The following LRBA variants were observed in gnomAD, a reference collection of about 807,000 sequenced individuals.
LRBA encodes LPS responsive beige-like anchor protein.
A neutral mutation model predicts 330.0 loss-of-function variants in LRBA; 176 were observed. The observed-to-expected ratio is 0.53, with a 90% CI of 0.47 to 0.60. LRBA has a LOEUF of 0.60. Ranked by LOEUF, LRBA falls within the 20% of genes least tolerant of loss-of-function variation. The pLI is 0.00. For missense variants in LRBA, 3,259 were observed against 3,444.8 expected (o/e 0.95, Z 1.35); for synonymous variants, 1,230 against 1,193.0 (o/e 1.03, Z -0.64).
At chr4:150,945,805 C>CTT (rs758057990) in intron 2 of LRBA, among the ~76,000 whole-genome samples, 25 of 143,598 alleles carry the variant, frequency 1.7e-4, no homozygotes, top group Non-Finnish European at 3.4e-4. Flanking sequence ...AGGCATATTT[C>CTT]TTTTTTTTTT....
chr4:150,310,448 G>T, intron 51 of LRBA, 64 bp from the exon 52 acceptor site: 1 of 1,052,470 alleles, frequency 9.5e-7, no homozygotes, highest in South Asian at 1.5e-5. Context: ...CTATAGTGAG[G>T]GAGAAGAGGA....
At chr4:150,361,374 T>C (rs1361253047) in intron 47 of LRBA, among the ~76,000 whole-genome samples, 7 of 152,182 alleles carry the variant, frequency 4.6e-5, no homozygotes, top group Non-Finnish European at 1.0e-4. Context: ...TTATTTATGT[T>C]TCCTTACCTC....
chr4:150,382,256 C>CA (rs897622615), intron 47 of LRBA, among the ~76,000 whole-genome samples: 1 of 152,114 alleles, frequency 6.6e-6, no homozygotes. Context: ...TCTAGCCTAT[C>CA]ATTAGCAGGA....
At chr4:150,653,483 A>G (rs1381366003) in intron 37 of LRBA, among the ~76,000 whole-genome samples, 1 of 152,044 alleles carries the variant, frequency 6.6e-6, no homozygotes, top group Non-Finnish European at 1.5e-5. Flanking sequence ...TCACCCCAGG[A>G]CCCTCTGGCC....
intron 38 of LRBA, among the ~76,000 whole-genome samples, chr4:150,592,264 A>G (rs956869532): frequency 1.2e-4 from 18 of 147,396 alleles, no homozygotes; most frequent in African/African-American, 4.2e-4. Flanking sequence ...ATATATATCT[A>G]TATAATTTAT....
intron 34 of LRBA, among the ~76,000 whole-genome samples, chr4:150,797,254 G>A (rs903928567): frequency 3.3e-5 from 5 of 151,554 alleles, no homozygotes; most frequent in African/African-American, 9.7e-5. Flanking sequence ...ATCCTTATTC[G>A]TTAGGCAAGT....
At chr4:150,817,990 C>T (rs1318626764) in intron 30 of LRBA, among the ~76,000 whole-genome samples, 1 of 152,058 alleles carries the variant, frequency 6.6e-6, no homozygotes, top group Non-Finnish European at 1.5e-5. Flanking sequence ...ATATAATGCA[C>T]TCCCACAGCA....
chr4:150,980,419 C>T (rs80227222), intron 2 of LRBA, among the ~76,000 whole-genome samples: 4,824 of 152,272 alleles, frequency 0.032, 125 homozygotes, highest in East Asian at 0.094. Context: ...TGGAACACAA[C>T]AAAGATGCCC....
At chr4:150,350,616 G>C (rs1033736869) in intron 47 of LRBA, among the ~76,000 whole-genome samples, 10 of 150,802 alleles carry the variant, frequency 6.6e-5, no homozygotes, top group Admixed American at 6.6e-4. Flanking sequence ...GTTTCTACCA[G>C]AATCTGTCCT....
chr4:150,833,931 A>G (rs995253788), intron 28 of LRBA, among the ~76,000 whole-genome samples: 32 of 152,218 alleles, frequency 2.1e-4, no homozygotes, highest in African/African-American at 7.7e-4. Context: ...TATCATTTCA[A>G]CAATGTTCAC....
intron 22 of LRBA, among the ~76,000 whole-genome samples, chr4:150,864,646 T>G (rs1752441658): frequency 8.2e-5 from 2 of 24,356 alleles, no homozygotes; most frequent in East Asian, 3.2e-3. Context: ...CCCACGTTCT[T>G]TTTTTTTTTT....
chr4:150,684,278 C>A (rs1783323377), intron 36 of LRBA, among the ~76,000 whole-genome samples: 1 of 152,122 alleles, frequency 6.6e-6, no homozygotes, highest in African/African-American at 2.4e-5. Flanking sequence ...GGCCACTGCA[C>A]AGGGCCAGAA....
At chr4:150,423,738 G>A (rs917733441) in intron 46 of LRBA, 4 of 185,222 alleles carry the variant, frequency 2.2e-5, no homozygotes, top group Admixed American at 1.2e-4. Context: ...TCAGCGCCAC[G>A]GCACACGTGG....
intron 46 of LRBA, among the ~76,000 whole-genome samples, chr4:150,422,091 C>A (rs1748880165): frequency 6.6e-6 from 1 of 152,068 alleles, no homozygotes; most frequent in Admixed American, 6.5e-5. Flanking sequence ...GACCCCATCT[C>A]TACAAAAAAA....
At chr4:150,694,244 A>G (rs1003004664) in intron 36 of LRBA, among the ~76,000 whole-genome samples, 3 of 151,994 alleles carry the variant, frequency 2.0e-5, no homozygotes, top group Non-Finnish European at 4.4e-5. Flanking sequence ...AGATGATTAC[A>G]TTTTTAGTTA....
intron 47 of LRBA, among the ~76,000 whole-genome samples, chr4:150,363,235 A>C (rs1263358290): frequency 6.6e-6 from 1 of 152,210 alleles, no homozygotes; most frequent in Non-Finnish European, 1.5e-5. Context: ...TGTCCATTCC[A>C]TCATCTTACT....
At chr4:150,988,280 T>C (rs1366277821) in intron 2 of LRBA, among the ~76,000 whole-genome samples, 1 of 152,194 alleles carries the variant, frequency 6.6e-6, no homozygotes, top group Non-Finnish European at 1.5e-5. Context: ...AGCATGGTAC[T>C]ACTACATTCA....
At chr4:150,842,722 T>C (rs1309244856) in intron 28 of LRBA, among the ~76,000 whole-genome samples, 1 of 152,188 alleles carries the variant, frequency 6.6e-6, no homozygotes, top group African/African-American at 2.4e-5. Context: ...ATTCCCTAAG[T>C]CCTAAACTCA....
intron 37 of LRBA, among the ~76,000 whole-genome samples, chr4:150,665,400 A>G (rs529780093): frequency 1.3e-5 from 2 of 151,874 alleles, no homozygotes; most frequent in Non-Finnish European, 2.9e-5. Context: ...TTACTATTCA[A>G]ATTCCCAGAT....
Sources: allele counts gnomAD v4.1 joint callset (sites outside exome capture counted in the v4.1 genomes callset), GRCh38; gene constraint gnomAD v4.1.1; transcripts MANE v1.5; gene names NCBI Gene and HGNC (gene_info 2026-07-23, HGNC 2026-07-21).